The following FRMD4B variants were observed in gnomAD, a reference collection of about 807,000 sequenced individuals.
The protein encoded by FRMD4B is FERM domain-containing protein 4B.
Under a neutral mutation model 141.5 loss-of-function variants are expected in FRMD4B, and 74 were observed. The ratio of observed to expected loss-of-function variants is 0.52; its 90% CI spans 0.43 to 0.63. The LOEUF (loss-of-function observed/expected upper bound fraction) is 0.63. Ranked by LOEUF, FRMD4B falls within the 30% of genes least tolerant of loss-of-function variation. The pLI is 0.00. For synonymous variants in FRMD4B, 506 were observed against 467.9 expected, an observed-to-expected ratio of 1.08 and a Z score of -1.05; for missense variants, 1,366 against 1,253.4, an observed-to-expected ratio of 1.09 and a Z score of -1.36.
At chr3:69,429,750 C>CTTT (rs60665985) in intron 2 of FRMD4B, among the ~76,000 whole-genome samples, 206 of 79,416 alleles carry the variant, frequency 2.6e-3, no homozygotes, top group Non-Finnish European at 3.2e-3. Context: ...GAGACCTCTT[C>CTTT]TTTTTTTTTT....
chr3:69,429,992 C>T (rs778205862), intron 2 of FRMD4B, among the ~76,000 whole-genome samples: 3 of 151,858 alleles, frequency 2.0e-5, no homozygotes, highest in Non-Finnish European at 4.4e-5. Context: ...AACTCCTGAC[C>T]TCAAGTGATC....
chr3:69,474,515 C>A (rs79842508), intron 1 of FRMD4B, among the ~76,000 whole-genome samples: 3 of 152,068 alleles, frequency 2.0e-5, no homozygotes, highest in African/African-American at 7.2e-5. Context: ...GGAAGGAAAG[C>A]CAGGGAAACA....
intron 1 of FRMD4B, among the ~76,000 whole-genome samples, chr3:69,500,279 G>A (rs1257964533): frequency 6.6e-6 from 1 of 152,100 alleles, no homozygotes; most frequent in African/African-American, 2.4e-5. Context: ...ACTCTCATCG[G>A]GACTTATGAA....
intron 4 of FRMD4B, among the ~76,000 whole-genome samples, chr3:69,301,225 A>G (rs1305451974): frequency 2.0e-5 from 3 of 152,226 alleles, no homozygotes; most frequent in Admixed American, 6.5e-5. Context: ...AACTTAGGAA[A>G]GTGGGGAGAG....
intron 1 of FRMD4B, among the ~76,000 whole-genome samples, chr3:69,344,638 T>C (rs976953120): frequency 3.0e-4 from 45 of 152,354 alleles, no homozygotes; most frequent in African/African-American, 8.2e-4. Context: ...TCTTGTCTAC[T>C]GGGCTTTTCA....
chr3:69,228,454 G>A (rs757492561), intron 7 of FRMD4B: 38 of 456,608 alleles, frequency 8.3e-5, no homozygotes, highest in Non-Finnish European at 1.6e-4. Context: ...TGTGAACTCT[G>A]AAGAGAGGAG....
chr3:69,206,130 T>C (rs912866968), intron 11 of FRMD4B, among the ~76,000 whole-genome samples: 1 of 152,086 alleles, frequency 6.6e-6, no homozygotes, highest in Non-Finnish European at 1.5e-5. Flanking sequence ...GGTGGGTGGA[T>C]TGTCTAAAGT....
intron 5 of FRMD4B, among the ~76,000 whole-genome samples, chr3:69,250,970 A>G (rs747926424): frequency 6.6e-6 from 1 of 152,118 alleles, no homozygotes; most frequent in African/African-American, 2.4e-5. Context: ...GGATGCATAG[A>G]TATGTGCAGA....
intron 16 of FRMD4B, 100 bp downstream of exon 16, chr3:69,194,922 C>T: frequency 9.4e-7 from 1 of 1,058,822 alleles, no homozygotes; most frequent in Non-Finnish European, 1.4e-6. Context: ...GGTGAGATAA[C>T]ATACAGCAGA....
At chr3:69,304,483 C>CA (rs1313360753) in intron 3 of FRMD4B, among the ~76,000 whole-genome samples, 12,242 of 67,028 alleles carry the variant, frequency 0.18, 840 homozygotes, top group East Asian at 0.26. Flanking sequence ...GATTCTATCT[C>CA]AAAAAAAAAA....
chr3:69,436,248 A>G (rs1395420560), intron 1 of FRMD4B, among the ~76,000 whole-genome samples: 2 of 152,190 alleles, frequency 1.3e-5, no homozygotes, highest in Non-Finnish European at 1.5e-5. Flanking sequence ...TAATAATGCA[A>G]TCAATATTCT....
At chr3:69,257,744 C>A (rs534090901) in intron 5 of FRMD4B, among the ~76,000 whole-genome samples, 287 of 152,104 alleles carry the variant, frequency 1.9e-3, no homozygotes, top group African/African-American at 6.6e-3. Context: ...TCACTGCAGT[C>A]TCGACTTCCC....
chr3:69,181,012 C>T lies in FRMD4B; in HGVS notation c.2738G>A (p.Gly913Glu). 1 of 1,614,008 alleles carries T rather than the reference C, an allele frequency of 6.2e-7. No homozygotes were observed. Among genetic ancestry groups the T allele is most frequent in the Non-Finnish European group, 8.5e-7 (1 of 1,179,878 alleles). ...GTCAAAGCTGGTCTGCGGGCTGTGT[C>T]CCTGATCCTTCTGCCCAGAGGCCCG... The part of the protein sequence containing the change: ...YQRASGQKDQ[G>E]HSPQTSFDSD... The change falls in exon 21 of 23, where the codon GGA (glycine) becomes GAA (glutamate). Residue 913 changes from glycine (G) to glutamate (E), a missense_variant. Physicochemically the swap from Gly to Glu is moderately conservative, Grantham distance 98 (BLOSUM62 -2). Transcript: ENST00000398540.
rs1361269049 is a variant in FRMD4B at position 69,265,242 on chromosome 3, G to A, written c.502-15143C>T. Reference sequence around the variant, plus strand: ...TGCACTCCAGCCTGGGCAACACAGCGAGACTCCATCTCAAAAAAAAAAAAA... The same window carrying A: ...TGCACTCCAGCCTGGGCAACACAGCAAGACTCCATCTCAAAAAAAAAAAAA... On this transcript the variant is annotated intron_variant, in intron 5 of 22. Transcript: ENST00000398540. Among the ~76,000 whole-genome samples, 100 of 88,210 alleles carry A rather than the reference G, an allele frequency of 1.1e-3. 1 individual carries two copies. Among genetic ancestry groups the A allele is most frequent in the African/African-American group, 4.4e-3 (92 of 21,096 alleles). 57.9% of individuals were successfully genotyped at this position (88,210 alleles called of 152,430 possible).
intron 7 of FRMD4B, among the ~76,000 whole-genome samples, chr3:69,232,174 C>T (rs1191711168): frequency 1.3e-5 from 2 of 152,162 alleles, no homozygotes; most frequent in African/African-American, 4.8e-5. Context: ...ACATTACTGA[C>T]CCTAATGGCA....
intron 1 of FRMD4B, among the ~76,000 whole-genome samples, chr3:69,511,906 AGAG>A (rs1326501179): frequency 5.9e-5 from 9 of 152,160 alleles, no homozygotes; most frequent in African/African-American, 2.2e-4. Context: ...AACTTAGAAG[AGAG>A]GAGTACAACC....
At chr3:69,465,844 A>G (rs546084438) in intron 1 of FRMD4B, among the ~76,000 whole-genome samples, 139 of 152,326 alleles carry the variant, frequency 9.1e-4, no homozygotes, top group Non-Finnish European at 1.5e-3. Flanking sequence ...TAGTGCCGCA[A>G]TAAACATATG....
At chr3:69,271,827 T>C (rs1320025777) in intron 5 of FRMD4B, among the ~76,000 whole-genome samples, 1 of 151,860 alleles carries the variant, frequency 6.6e-6, no homozygotes, top group Non-Finnish European at 1.5e-5. Context: ...ACAAAAAAAT[T>C]AGCTGGGCAT....
chr3:69,377,204 G>T (rs1703994297), intron 1 of FRMD4B: 1 of 152,112 alleles, frequency 6.6e-6, no homozygotes, highest in Admixed American at 6.5e-5. Context: ...TTGGTTACCA[G>T]AAAAAGTAGA....
Sources: allele counts gnomAD v4.1 joint callset (sites outside exome capture counted in the v4.1 genomes callset), GRCh38; gene constraint gnomAD v4.1.1; transcripts MANE v1.5; gene names NCBI Gene and HGNC (gene_info 2026-07-23, HGNC 2026-07-21).